SNAP91: variants seen among roughly 807,000 people sequenced by gnomAD.
The protein encoded by SNAP91 is clathrin coat assembly protein AP180.
Under a neutral mutation model 100.3 loss-of-function variants are expected in SNAP91, and 27 were observed. That is an observed-to-expected ratio of 0.27 (90% CI 0.20 to 0.37). The LOEUF is 0.37. Ranked by LOEUF, SNAP91 falls within the 10% of genes least tolerant of loss-of-function variation. SNAP91 has a pLI of 1.00. For missense variants in SNAP91, 986 were observed against 1,123.7 expected, an observed-to-expected ratio of 0.88 and a Z score of 1.75; for synonymous variants, 404 against 398.6, an observed-to-expected ratio of 1.01 and a Z score of -0.16.
chr6:83,554,201 TG>T lies in SNAP91; in HGVS notation c.*94del. ...TATGAGTAAGTATTGGGTTTGGTAC[TG>T]GTGGCTCCCTTTGAAACTCAGCATC... On this transcript the variant is annotated 3_prime_UTR_variant, in exon 30 of 30. Coordinates refer to ENST00000369694, the MANE Select transcript of SNAP91 (RefSeq NM_001242792.2). 4.2e-6 allele frequency: 1 copy of T among 240,758 alleles called. No individual in the cohort carries two copies. The highest frequency in any genetic ancestry group is 8.3e-6 in the Non-Finnish European group (1 of 119,854). The allele number at this position is 240,758 out of a possible 1,614,324, so 14.9% of individuals were successfully genotyped here. A position where few individuals can be genotyped will look rare whatever the true frequency, so the allele number is the denominator to read the frequency against.
intron 3 of SNAP91, among the ~76,000 whole-genome samples, chr6:83,664,776 T>C (rs1328248868): frequency 4.6e-5 from 7 of 152,138 alleles, no homozygotes; most frequent in Admixed American, 3.9e-4. Context: ...TCAAAGAAGT[T>C]CTGCTGTAGA....
intron 7 of SNAP91, among the ~76,000 whole-genome samples, chr6:83,654,352 T>C (rs1218706750): frequency 2.0e-5 from 3 of 152,208 alleles, no homozygotes. Flanking sequence ...CTGTTGATTT[T>C]TCAGTCTGTT....
chr6:83,692,386 G>A (rs961251181), intron 2 of SNAP91, among the ~76,000 whole-genome samples: 11 of 151,962 alleles, frequency 7.2e-5, no homozygotes, highest in African/African-American at 1.4e-4. Flanking sequence ...GTGGTAGAGC[G>A]CACCTGTAAT....
intron 2 of SNAP91, chr6:83,689,667 G>A (rs1212985542): frequency 1.3e-5 from 2 of 151,914 alleles, no homozygotes; most frequent in African/African-American, 4.8e-5. Context: ...AATCAAAAGA[G>A]AAGACAGTAA....
At chr6:83,655,154 A>G (rs916174909) in intron 7 of SNAP91, among the ~76,000 whole-genome samples, 1 of 152,162 alleles carries the variant, frequency 6.6e-6, no homozygotes, top group East Asian at 1.9e-4. Flanking sequence ...AGTCACCTCA[A>G]TGAAGTTTCT....
chr6:83,612,155 A>G (rs538231050), intron 11 of SNAP91, among the ~76,000 whole-genome samples: 2 of 152,266 alleles, frequency 1.3e-5, no homozygotes, highest in Non-Finnish European at 2.9e-5. Context: ...TATAACAAGC[A>G]TAAGGGTAAC....
At chr6:83,601,080 A>G (rs2095154048) in intron 16 of SNAP91, among the ~76,000 whole-genome samples, 191 bp downstream of exon 16, 1 of 152,254 alleles carries the variant, frequency 6.6e-6, no homozygotes, top group Non-Finnish European at 1.5e-5. Flanking sequence ...AATCTCTGCT[A>G]TAAAATTACT....
At chr6:83,576,558 T>G (rs562732306) in intron 24 of SNAP91, among the ~76,000 whole-genome samples, 3 of 152,308 alleles carry the variant, frequency 2.0e-5, no homozygotes, top group Admixed American at 2.0e-4. Context: ...TCTCTAAAGG[T>G]CTTCTTTAGG....
chr6:83,568,313 G>C (rs1396235650), intron 26 of SNAP91, among the ~76,000 whole-genome samples: 2 of 152,058 alleles, frequency 1.3e-5, no homozygotes, highest in Non-Finnish European at 2.9e-5. Flanking sequence ...CTTGGACACA[G>C]GAAGGGGAAC....
chr6:83,618,045 T>A (rs1218953774), intron 9 of SNAP91, among the ~76,000 whole-genome samples: 2 of 151,868 alleles, frequency 1.3e-5, no homozygotes, highest in South Asian at 4.1e-4. Flanking sequence ...TCACAGACAT[T>A]CATATAACTG....
In SNAP91 at chr6:83,589,386, T is replaced by C. The variant is rs148436587; in HGVS notation, c.2014+1825A>G. 8.5e-3 allele frequency among the ~76,000 whole-genome samples: 1,302 copies of C among 152,326 alleles called. 14 individuals are homozygous for C. The highest frequency in any genetic ancestry group is 0.029 in the African/African-American group (1,214 of 41,574). On this transcript the variant is annotated intron_variant, in intron 22 of 29. Transcript: ENST00000369694. ...ATGATGTTCTTTAGTGAGAATATGA[T>C]TTCCTTATGTTTTGATACTTGAACA...
At chr6:83,568,670 T>C (rs1346132942) in intron 26 of SNAP91, among the ~76,000 whole-genome samples, 1 of 152,126 alleles carries the variant, frequency 6.6e-6, no homozygotes, top group Non-Finnish European at 1.5e-5. Context: ...ATCTGAAAAG[T>C]GTTATAGCTA....
At chr6:83,680,810 A>G (rs1259065361) in intron 2 of SNAP91, among the ~76,000 whole-genome samples, 1 of 152,150 alleles carries the variant, frequency 6.6e-6, no homozygotes, top group Non-Finnish European at 1.5e-5. Flanking sequence ...AAGACAATCA[A>G]AAGCATGTCC....
At chr6:83,629,170 G>GT (rs1369768322) in intron 8 of SNAP91, among the ~76,000 whole-genome samples, 1 of 152,046 alleles carries the variant, frequency 6.6e-6, no homozygotes, top group African/African-American at 2.4e-5. Context: ...TCAGTAAGCT[G>GT]TAAGTATTTG....
intron 16 of SNAP91, among the ~76,000 whole-genome samples, chr6:83,595,371 A>G (rs1437501446): frequency 6.6e-6 from 1 of 152,220 alleles, no homozygotes; most frequent in Non-Finnish European, 1.5e-5. Flanking sequence ...TAAGACTATA[A>G]GTGTATTATT....
chr6:83,692,428 T>A (rs1191067951), intron 2 of SNAP91, among the ~76,000 whole-genome samples: 1 of 151,484 alleles, frequency 6.6e-6, no homozygotes, highest in Non-Finnish European at 1.5e-5. Context: ...GGCAGAAGAA[T>A]CCCTTGAACC....
intron 8 of SNAP91, among the ~76,000 whole-genome samples, chr6:83,628,201 G>C (rs1017342372): frequency 8.2e-6 from 1 of 122,256 alleles, no homozygotes; most frequent in Non-Finnish European, 1.7e-5. Flanking sequence ...CCTTTTTATA[G>C]CTAAGTAATA....
At chr6:83,658,913 G>T in intron 6 of SNAP91, 86 bp downstream of exon 6, 1 of 977,910 alleles carries the variant, frequency 1.0e-6, no homozygotes, top group Non-Finnish European at 1.5e-6. Context: ...TGCTTCCCGA[G>T]GAAATCTTTG....
intron 5 of SNAP91, among the ~76,000 whole-genome samples, chr6:83,660,768 G>T (rs217306): frequency 1 from 151,865 of 151,866 alleles, 75,932 homozygotes; most frequent in Middle Eastern, 1. Context: ...ATAGCTATTG[G>T]CTATTTTCCA....
Sources: gnomAD v4.1 joint callset for allele counts (sites outside exome capture counted in the v4.1 genomes callset) on GRCh38, gnomAD v4.1.1 for gene constraint, MANE v1.5 for transcripts, NCBI Gene and HGNC (gene_info 2026-07-23, HGNC 2026-07-21) for gene names.